The following FAM234A variants were observed in gnomAD, a reference collection of about 807,000 sequenced individuals.
FAM234A encodes the protein protein FAM234A.
FAM234A carries 42 observed loss-of-function variants against 49.1 expected under a neutral mutation model. That is an observed-to-expected ratio of 0.86 (90% confidence interval 0.67 to 1.11). The LOEUF (loss-of-function observed/expected upper bound fraction) is 1.11. Ranked by LOEUF, FAM234A falls within the 50% of genes least tolerant of loss-of-function variation. FAM234A has a pLI of 0.00. For synonymous variants in FAM234A, 369 were observed against 316.2 expected (o/e 1.17, Z -1.77); for missense variants, 815 against 745.2 (o/e 1.09, Z -1.09).
chr16:257,927 A>C (rs1450429558), intron 3 of FAM234A, among the ~76,000 whole-genome samples: 3 of 151,790 alleles, frequency 2.0e-5, no homozygotes, highest in Non-Finnish European at 4.4e-5. Flanking sequence ...GCTCAATCTC[A>C]ACTGACTGCA....
chr16:235,950 C>T (rs1180389927), intron 1 of FAM234A, among the ~76,000 whole-genome samples: 2 of 148,986 alleles, frequency 1.3e-5, no homozygotes, highest in African/African-American at 2.5e-5. Context: ...GTCAGGAGTT[C>T]GAGACCAGCA....
intron 3 of FAM234A, among the ~76,000 whole-genome samples, chr16:258,553 T>A (rs2141318935): frequency 6.6e-6 from 1 of 152,348 alleles, no homozygotes; most frequent in South Asian, 2.1e-4. Context: ...CATGTCTACT[T>A]CTTTCTACAC....
At chr16:242,764 C>T (rs1442985949) in intron 1 of FAM234A, among the ~76,000 whole-genome samples, 2 of 151,610 alleles carry the variant, frequency 1.3e-5, no homozygotes, top group Admixed American at 1.3e-4. Context: ...TGATGCACAT[C>T]ACCACGCCTG....
chr16:244,735 C>A (rs1277281300), intron 1 of FAM234A, among the ~76,000 whole-genome samples: 8 of 129,228 alleles, frequency 6.2e-5, no homozygotes, highest in Admixed American at 1.8e-4. Flanking sequence ...GTTGCCCAGG[C>A]TGGAGTGGAA....
chr16:244,177 C>T (rs1017296338), intron 1 of FAM234A, among the ~76,000 whole-genome samples: 5 of 152,044 alleles, frequency 3.3e-5, no homozygotes, highest in African/African-American at 4.8e-5. Context: ...ACCGTGTTAG[C>T]TAGGATGGTC....
In FAM234A at chr16:265,011, A is replaced by AGTG; in HGVS notation, c.1649_1651dup (p.Ser550_Glu551insGly). On this transcript the variant is annotated inframe_insertion, in exon 13 of 13. Transcript: ENST00000399932. ...CCGGTTCTCCCGGCTGCGGTACCAG[A>AGTG]GTGAGGCGTAGAGGCACGCCAGCCA... The AGTG allele has an allele frequency of 6.2e-7, 1 of 1,606,670 alleles. No individual in the cohort carries two copies. The highest frequency in any genetic ancestry group is 8.5e-7 in the Non-Finnish European group (1 of 1,176,024).
chr16:249,747 C>T (rs1334965376), intron 2 of FAM234A, 93 bp downstream of exon 2: 3 of 151,996 alleles, frequency 2.0e-5, no homozygotes, highest in Non-Finnish European at 2.9e-5. Context: ...TAGTGCTTTC[C>T]TGCACGCTTT....
intron 7 of FAM234A, 56 bp downstream of exon 7, chr16:262,281 T>C (rs2051498201): frequency 1.9e-6 from 3 of 1,599,894 alleles, no homozygotes; most frequent in Admixed American, 3.4e-5. Context: ...ATGACTGCCC[T>C]GCGGCTCCTC....
At chr16:259,042 A>C (rs1419823434) in intron 3 of FAM234A, among the ~76,000 whole-genome samples, 3 of 152,084 alleles carry the variant, frequency 2.0e-5, no homozygotes, top group Non-Finnish European at 4.4e-5. Flanking sequence ...CGGCCTCCCA[A>C]AGTGCTGGGA....
At chr16:240,753 A>G (rs1478590383) in intron 1 of FAM234A, among the ~76,000 whole-genome samples, 1 of 152,008 alleles carries the variant, frequency 6.6e-6, no homozygotes, top group Non-Finnish European at 1.5e-5. Context: ...CCAGCCGCCT[A>G]GGCCTCCTAA....
In FAM234A at chr16:262,154, G is replaced by A. The variant is rs1429452637; in HGVS notation, c.770G>A (p.Gly257Asp). ...CAGATTGGCCTCAGAGGCAGCCTTG[G>A]TGTGGACGGGGAAAGTGGCTTCCTC... ...GHQIGLRGSL[G>D]VDGESGFLLH... The change falls in exon 7 of 13, where the codon GGT (glycine) becomes GAT (aspartate). Residue 257 changes from glycine (G) to aspartate (D), a missense_variant. Gly to Asp is a moderately conservative substitution (Grantham distance 94, BLOSUM62 -1). Coordinates refer to ENST00000399932, the MANE Select transcript of FAM234A (RefSeq NM_032039.4). The A allele has an allele frequency of 6.2e-7, 1 of 1,613,946 alleles. No individual in the cohort carries two copies. The highest frequency in any genetic ancestry group is 1.3e-5 in the African/African-American group (1 of 74,936).
At chr16:251,402 T>C (rs939743589) in intron 2 of FAM234A, among the ~76,000 whole-genome samples, 29 of 151,960 alleles carry the variant, frequency 1.9e-4, no homozygotes, top group African/African-American at 6.8e-4. Flanking sequence ...TGAGATGGGG[T>C]CTTGCTCTGT....
At chr16:263,226 GGA>G in intron 8 of FAM234A, 34 bp from the exon 9 acceptor site, 1 of 1,602,502 alleles carries the variant, frequency 6.2e-7, no homozygotes, top group Non-Finnish European at 8.5e-7. Context: ...GCCGCCCCGG[GGA>G]CCCGGCGCCC....
intron 1 of FAM234A, among the ~76,000 whole-genome samples, chr16:248,800 T>G (rs993340691): frequency 2.6e-5 from 4 of 151,796 alleles, no homozygotes; most frequent in Non-Finnish European, 4.4e-5. Flanking sequence ...TTTGTATTTT[T>G]GGGTAGAGAA....
At chr16:251,465 C>T (rs1239238034) in intron 2 of FAM234A, among the ~76,000 whole-genome samples, 1 of 151,890 alleles carries the variant, frequency 6.6e-6, no homozygotes, top group South Asian at 2.1e-4. Flanking sequence ...GCCTCCACCC[C>T]CCTGGGCTCT....
downstream of FAM234A, chr16:269,739 G>A (rs2051831122): frequency 1.6e-6 from 1 of 608,726 alleles, no homozygotes; most frequent in Non-Finnish European, 2.9e-6. Flanking sequence ...GACCTGCCCA[G>A]ACCAAGGCAG....
At chr16:261,108 G>A (rs74823508) in intron 5 of FAM234A, 4,902 of 355,066 alleles carry the variant, frequency 0.014, 241 homozygotes, top group African/African-American at 0.096. Flanking sequence ...GGAACTCTGC[G>A]GTTCCCAGGA....
chr16:266,913 C>T (rs988885872), downstream of FAM234A, among the ~76,000 whole-genome samples: 11 of 151,962 alleles, frequency 7.2e-5, no homozygotes, highest in African/African-American at 2.2e-4. Flanking sequence ...CAGGGGGTCC[C>T]CAAAGGGAGG....
Position 259,525 on chromosome 16 carries a change from G to A in FAM234A, c.311G>A (p.Arg104Lys), listed in dbSNP as rs111339986. 5,292 of 1,612,554 alleles carry A rather than the reference G, an allele frequency of 3.3e-3. 17 individuals carry two copies. Among genetic ancestry groups the A allele is most frequent in the South Asian group, 8.1e-3 (739 of 91,044 alleles). Residue 104 changes from arginine to lysine, a missense_variant, in exon 4 of 13, where the codon AGG becomes AAG. Arg to Lys is a conservative substitution (Grantham distance 26). Coordinates refer to ENST00000399932, the MANE Select transcript of FAM234A (RefSeq NM_032039.4). ...FLAVDDINGDRIQDVLFLYKN... is the reference protein window; with the variant it reads ...FLAVDDINGDKIQDVLFLYKN... ...GCTGTGGATGATATAAACGGGGACA[G>A]GATCCAAGATGTTCTTTTTCTTTAT... is the stretch of plus-strand genomic sequence containing the variant.
Sources: gnomAD v4.1 joint callset for allele counts (sites outside exome capture counted in the v4.1 genomes callset) on GRCh38, gnomAD v4.1.1 for gene constraint, MANE v1.5 for transcripts, NCBI Gene and HGNC (gene_info 2026-07-23, HGNC 2026-07-21) for gene names.